Variants in TEKT4 observed in about 807,000 individuals in gnomAD.
TEKT4 encodes the protein tektin 4.
TEKT4 carries 46 observed loss-of-function variants against 46.0 expected under a neutral mutation model. The observed-to-expected ratio is 1.00, with a 90% CI of 0.79 to 1.28. TEKT4 has a LOEUF of 1.28. TEKT4 is among the 50% of genes most tolerant of loss of function. The pLI is 0.00. For synonymous variants in TEKT4, 325 were observed against 265.8 expected, an observed-to-expected ratio of 1.22 and a Z score of -2.17; for missense variants, 790 against 622.9, an observed-to-expected ratio of 1.27 and a Z score of -2.85.
At chr2:94,873,221 A>C in intron 1 of TEKT4, 1 of 1,281,588 alleles carries the variant, frequency 7.8e-7, no homozygotes. Context: ...TCCCAGGTGC[A>C]CTGAGTGAGC....
chr2:94,874,569 TG>T (rs1185512261), intron 3 of TEKT4, among the ~76,000 whole-genome samples: 3 of 51,422 alleles, frequency 5.8e-5, no homozygotes, highest in Admixed American at 2.2e-4. Context: ...GGGTAGGGTG[TG>T]GGGGGACTCA....
In TEKT4 at chr2:94,871,639, C is replaced by G; in HGVS notation, c.60C>G (p.Asn20Lys). 6.2e-7 allele frequency: 1 copy of G among 1,612,456 alleles called. No individual in the cohort carries two copies. The highest frequency in any genetic ancestry group is 8.5e-7 in the Non-Finnish European group (1 of 1,179,884). The part of the protein sequence containing the change: ...LPCKEYDVAR[N>K]TGAYTSSGLA... Reference sequence around the variant, plus strand: ...GCAAAGAGTACGACGTGGCCCGTAACACGGGCGCCTACACGTCCTCCGGCC... The same window carrying G: ...GCAAAGAGTACGACGTGGCCCGTAAGACGGGCGCCTACACGTCCTCCGGCC... The change falls in exon 1 of 6, where the codon AAC becomes AAG. Residue 20 changes from asparagine (N) to lysine (K), a missense_variant. Physicochemically the swap from Asn to Lys is moderately conservative, Grantham distance 94 (BLOSUM62 0). Coordinates refer to ENST00000295201, the MANE Select transcript of TEKT4 (RefSeq NM_144705.4).
At position 94,875,064 on chromosome 2, in the gene TEKT4, C is replaced by T. The variant is rs1315335377; in HGVS notation, c.936+66C>T. 4 of 1,455,250 alleles carry T rather than the reference C, an allele frequency of 2.7e-6. No homozygotes were observed. In the African/African-American group the frequency reaches 5.7e-5, roughly 21 times the overall value. 90.1% of individuals were successfully genotyped at this position (1,455,250 alleles called of 1,614,324 possible). ...CCTGGCCTGGGCCCTCAACACCTTT[C>T]TCCTCTGTCCCATTTATCCCGAGGG... is the stretch of plus-strand genomic sequence containing the variant. On this transcript the variant is annotated intron_variant, in intron 4 of 5. Coordinates refer to ENST00000295201, the MANE Select transcript of TEKT4 (RefSeq NM_144705.4).
intron 1 of TEKT4, 60 bp downstream of exon 1, chr2:94,872,137 C>A: frequency 4.8e-6 from 7 of 1,468,186 alleles, no homozygotes; most frequent in Non-Finnish European, 6.3e-6. Flanking sequence ...CCCCCCCCCC[C>A]GCAGTTCATG....
rs1573184888 is a variant in TEKT4, at chr2:94,873,998, G to A, written c.603G>A (p.Met201Ile). Residue 201 changes from methionine (M) to isoleucine (I), a missense_variant, in exon 3 of 6, where the codon ATG becomes ATA. Physicochemically the swap from Met to Ile is conservative, Grantham distance 10. Coordinates refer to ENST00000295201, the MANE Select transcript of TEKT4 (RefSeq NM_144705.4). Reference protein sequence around the residue: ...LNREHKETCEMDWSDKMEAYN... With the variant: ...LNREHKETCEIDWSDKMEAYN... ...GGGAGCACAAGGAGACCTGCGAGATGGACTGGTCAGACAAGATGGAGGCCT... is the reference window on the plus strand; with the variant it reads ...GGGAGCACAAGGAGACCTGCGAGATAGACTGGTCAGACAAGATGGAGGCCT... 5 of 1,612,998 alleles carry A rather than the reference G, an allele frequency of 3.1e-6. No individual in the cohort carries two copies. Among genetic ancestry groups the A allele is most frequent in the East Asian group, 4.5e-5 (2 of 44,832 alleles).
intron 1 of TEKT4, 51 bp downstream of exon 1, chr2:94,872,128 C>CCT: frequency 7.1e-7 from 1 of 1,407,614 alleles, no homozygotes; most frequent in Non-Finnish European, 9.4e-7. Flanking sequence ...GAGGAGGAGC[C>CCT]CCCCCCCCCG....
chr2:94,872,135 C>CG lies in TEKT4; in HGVS notation c.498+58_498+59insG, dbSNP rs1196710942. 3.9e-4 allele frequency: 570 copies of CG among 1,476,194 alleles called. 2 individuals are homozygous for CG. The African/African-American group carries it at 6.7e-3, about 17-fold the overall frequency. The allele number at this position is 1,476,194 out of a possible 1,614,324, so 91.4% of individuals were successfully genotyped here. On this transcript the variant is annotated intron_variant, in intron 1 of 5. Transcript: ENST00000295201. ...GGCGCAGAGAGGAGGAGCCCCCCCCCCCGCAGTTCATGTGGACAAGCCACG... is the reference window on the plus strand; with the variant it reads ...GGCGCAGAGAGGAGGAGCCCCCCCCCGCCGCAGTTCATGTGGACAAGCCACG...
intron 4 of TEKT4, 52 bp from the exon 5 acceptor site, chr2:94,875,536 T>C (rs112815426): frequency 6.2e-7 from 1 of 1,609,736 alleles, no homozygotes; most frequent in Non-Finnish European, 8.5e-7. Context: ...CTCGGCGTTC[T>C]ATATACCCGG....
rs782237819 is a variant in TEKT4, at chr2:94,876,692, C to T, written c.1231C>T (p.Leu411Phe). The T allele has an allele frequency of 6.2e-7, 1 of 1,613,020 alleles. No individual in the cohort carries two copies. ...GGACATTGCCGCCATGACCAACAGT[C>T]TCTTCATCGACCGCCAGAAGTGCAT... ...EKDIAAMTNS[L>F]FIDRQKCMAH... The change falls in exon 6 of 6, where the codon CTC becomes TTC. Residue 411 changes from leucine (L) to phenylalanine (F), a missense_variant. Physicochemically the swap from Leu to Phe is conservative, Grantham distance 22 (BLOSUM62 0). Transcript: ENST00000295201.
rs1416837888 is a variant in TEKT4, at chr2:94,875,096, G to T, written c.936+98G>T. On this transcript the variant is annotated intron_variant, in intron 4 of 5. Transcript: ENST00000295201. Reference sequence around the variant, plus strand: ...GTCCCATTTATCCCGAGGGACCCCAGAAGCAAGTGTCTCCTCTCCGTAAAC... The same window carrying T: ...GTCCCATTTATCCCGAGGGACCCCATAAGCAAGTGTCTCCTCTCCGTAAAC... 6 of 1,268,618 alleles carry T rather than the reference G, an allele frequency of 4.7e-6. No homozygotes were observed. The Admixed American group carries it at 1.5e-4, about 32-fold the overall frequency. 78.6% of individuals were successfully genotyped at this position (1,268,618 alleles called of 1,614,324 possible). A position where few individuals can be genotyped will look rare whatever the true frequency, so the allele number is the denominator to read the frequency against.
At chr2:94,875,508 G>C (rs1680802381) in intron 4 of TEKT4, 80 bp from the exon 5 acceptor site, 3 of 1,586,220 alleles carry the variant, frequency 1.9e-6, no homozygotes, top group African/African-American at 1.3e-5. Context: ...CCCAAGACCT[G>C]GGTAGGACCA....
Position 94,876,553 on chromosome 2 carries a change from G to A in TEKT4, c.1092G>A (p.Arg364=). ...GCTCACACCCCCCCAACACCCCCAG[G>A]CTGTTGAGTGAGGTGGAGGAGCTGA... ...MELCRDAAQF[R]LLSEVEELNM... The change falls in exon 6 of 6, where the codon AGG becomes AGA. Residue 364 remains arginine (R), a splice_region_variant and synonymous_variant. Coordinates refer to ENST00000295201, the MANE Select transcript of TEKT4 (RefSeq NM_144705.4). 1.2e-6 allele frequency: 2 copies of A among 1,603,796 alleles called. No individual in the cohort carries two copies. The highest frequency in any genetic ancestry group is 1.7e-6 in the Non-Finnish European group (2 of 1,176,440).
chr2:94,872,303 T>A (rs1490092546), intron 1 of TEKT4: 2 of 602,992 alleles, frequency 3.3e-6, no homozygotes, highest in Non-Finnish European at 5.8e-6. Context: ...CCTCCTCTAA[T>A]CCCTTTGAGT....
intron 1 of TEKT4, 70 bp downstream of exon 1, chr2:94,872,147 G>C: frequency 1.4e-6 from 2 of 1,463,414 alleles, no homozygotes; most frequent in Non-Finnish European, 1.8e-6. Flanking sequence ...CGCAGTTCAT[G>C]TGGACAAGCC....
Position 94,874,085 on chromosome 2 carries a change from G to A in TEKT4, c.690G>A (p.Pro230=), listed in dbSNP as rs149873671. ...AGAGCACCGAGGTGCAGGCTCATCCGTACTCCACCACCTTCCAAGAGAGGT... is the reference window on the plus strand; with the variant it reads ...AGAGCACCGAGGTGCAGGCTCATCCATACTCCACCACCTTCCAAGAGAGGT... ...HSQSTEVQAH[P]YSTTFQESAS... The change falls in exon 3 of 6, where the codon CCG becomes CCA. Residue 230 remains proline (P), a synonymous_variant. Transcript: ENST00000295201. 9.0e-5 allele frequency: 146 copies of A among 1,613,416 alleles called. No individual in the cohort carries two copies. The highest frequency in any genetic ancestry group is 1.6e-4 in the Middle Eastern group (1 of 6,078).
rs782751382 is a variant in TEKT4 at position 94,874,016 on chromosome 2, G to A, written c.621G>A (p.Met207Ile). 3 of 1,613,668 alleles carry A rather than the reference G, an allele frequency of 1.9e-6. No homozygotes were observed. Among genetic ancestry groups the A allele is most frequent in the Non-Finnish European group, 2.5e-6 (3 of 1,179,854 alleles). ...ETCEMDWSDK[M>I]EAYNIDETCG... Reference sequence around the variant, plus strand: ...GCGAGATGGACTGGTCAGACAAGATGGAGGCCTACAACATCGACGAGACCT... The same window carrying A: ...GCGAGATGGACTGGTCAGACAAGATAGAGGCCTACAACATCGACGAGACCT... Residue 207 changes from methionine (M) to isoleucine (I), a missense_variant, in exon 3 of 6, where the codon ATG becomes ATA. Transcript: ENST00000295201.
intron 3 of TEKT4, 117 bp from the exon 4 acceptor site, chr2:94,874,659 G>C: frequency 1.1e-6 from 1 of 913,294 alleles, no homozygotes; most frequent in Non-Finnish European, 1.6e-6. Flanking sequence ...GGGTGCATCG[G>C]AGTCCATGCA....
At chr2:94,876,048 G>A (rs1472194923) in intron 5 of TEKT4, among the ~76,000 whole-genome samples, 3 of 152,188 alleles carry the variant, frequency 2.0e-5, no homozygotes, top group African/African-American at 4.8e-5. Flanking sequence ...AGCTCCAGGA[G>A]GCCACAGAGC....
At chr2:94,874,330 G>T (rs1553395656) in intron 3 of TEKT4, among the ~76,000 whole-genome samples, 1 of 152,196 alleles carries the variant, frequency 6.6e-6, no homozygotes, top group African/African-American at 2.4e-5. Flanking sequence ...GAGTAGGGTG[G>T]GGTCAGACCC....
Sources: allele counts gnomAD v4.1 joint callset (sites outside exome capture counted in the v4.1 genomes callset), GRCh38; gene constraint gnomAD v4.1.1; transcripts MANE v1.5; gene names NCBI Gene and HGNC (gene_info 2026-07-23, HGNC 2026-07-21).